PHACTR1: variants seen among roughly 807,000 people sequenced by gnomAD.
The protein encoded by PHACTR1 is phosphatase and actin regulator 1, also known as RPEL repeat containing 1.
Under a neutral mutation model 69.2 loss-of-function variants are expected in PHACTR1, and 16 were observed. The observed-to-expected ratio is 0.23, with a 90% CI of 0.16 to 0.35. The LOEUF (loss-of-function observed/expected upper bound fraction) is 0.35. Ranked by LOEUF, PHACTR1 falls within the 10% of genes least tolerant of loss-of-function variation. PHACTR1 has a pLI of 1.00. For synonymous variants in PHACTR1, 312 were observed against 284.5 expected (o/e 1.10, Z -0.97); for missense variants, 510 against 734.7 (o/e 0.69, Z 3.54).
At chr6:13,279,185 T>C (rs975189585) in intron 12 of PHACTR1, 1 of 152,332 alleles carries the variant, frequency 6.6e-6, no homozygotes, top group Admixed American at 6.5e-5. Context: ...AATTTTAATA[T>C]AGTCTTAACC....
intron 13 of PHACTR1, among the ~76,000 whole-genome samples, chr6:13,284,467 A>G (rs1450202453): frequency 2.1e-5 from 3 of 140,366 alleles, no homozygotes; most frequent in Admixed American, 7.7e-5. Flanking sequence ...CAGTGATCCA[A>G]GGTCACACCA....
chr6:12,724,298 G>C (rs1261020361), intron 3 of PHACTR1, among the ~76,000 whole-genome samples: 2 of 152,116 alleles, frequency 1.3e-5, no homozygotes, highest in African/African-American at 4.8e-5. Context: ...TTGCACTCCA[G>C]CCTGGGTGAC....
intron 10 of PHACTR1, chr6:13,264,711 C>G (rs1046983694): frequency 7.9e-5 from 12 of 151,982 alleles, no homozygotes; most frequent in African/African-American, 2.9e-4. Context: ...AGAGTGAGCC[C>G]TCATCTGAGA....
chr6:12,784,141 A>G, intron 4 of PHACTR1, among the ~76,000 whole-genome samples: 1 of 152,172 alleles, frequency 6.6e-6, no homozygotes, highest in Non-Finnish European at 1.5e-5. Flanking sequence ...GCACATATAC[A>G]TATGTATCTA....
chr6:13,196,510 T>G (rs1448087289), intron 7 of PHACTR1: 1 of 175,432 alleles, frequency 5.7e-6, no homozygotes, highest in African/African-American at 2.4e-5. Flanking sequence ...AACCTCCGCT[T>G]CCCAGGTTCA....
intron 3 of PHACTR1, among the ~76,000 whole-genome samples, chr6:12,745,721 A>G (rs974432338): frequency 1.3e-5 from 2 of 152,248 alleles, no homozygotes; most frequent in Non-Finnish European, 2.9e-5. Flanking sequence ...AATACACCAC[A>G]GATATTTATG....
At chr6:13,059,458 TCA>T (rs57652223) in intron 5 of PHACTR1, among the ~76,000 whole-genome samples, 12,084 of 148,062 alleles carry the variant, frequency 0.082, 1,186 homozygotes, top group African/African-American at 0.23. Flanking sequence ...AATGTTCTTA[TCA>T]CACACACACA....
At chr6:12,892,027 G>C (rs1784213677) in intron 4 of PHACTR1, among the ~76,000 whole-genome samples, 1 of 152,220 alleles carries the variant, frequency 6.6e-6, no homozygotes, top group Non-Finnish European at 1.5e-5. Flanking sequence ...ACATTAAAGA[G>C]ACATGCATTC....
chr6:13,022,651 T>C (rs1435680704), intron 4 of PHACTR1, among the ~76,000 whole-genome samples: 8 of 148,348 alleles, frequency 5.4e-5, no homozygotes, highest in Non-Finnish European at 1.2e-4. Flanking sequence ...GCTTAAGATA[T>C]TTATTCTCTG....
At chr6:12,891,961 G>T (rs1464296676) in intron 4 of PHACTR1, among the ~76,000 whole-genome samples, 1 of 152,216 alleles carries the variant, frequency 6.6e-6, no homozygotes, top group Non-Finnish European at 1.5e-5. Context: ...GATAATACTT[G>T]TAAGGCTGCT....
At chr6:13,046,460 G>A (rs1446901754) in intron 4 of PHACTR1, among the ~76,000 whole-genome samples, 2 of 152,098 alleles carry the variant, frequency 1.3e-5, no homozygotes, top group Non-Finnish European at 2.9e-5. Context: ...GGAGGAGGGT[G>A]GTGCACAGAG....
chr6:12,987,286 T>C (rs534051068), intron 4 of PHACTR1, among the ~76,000 whole-genome samples: 1 of 152,240 alleles, frequency 6.6e-6, no homozygotes, highest in East Asian at 1.9e-4. Flanking sequence ...GAGTATTTGA[T>C]TCAGCTCCAA....
At chr6:12,849,608 A>C (rs1342145513) in intron 4 of PHACTR1, among the ~76,000 whole-genome samples, 2 of 152,092 alleles carry the variant, frequency 1.3e-5, no homozygotes, top group African/African-American at 4.8e-5. Flanking sequence ...GAATGTTGAG[A>C]TTTTGCTGAT....
At chr6:13,199,640 A>C (rs16873768) in intron 7 of PHACTR1, among the ~76,000 whole-genome samples, 1 of 152,330 alleles carries the variant, frequency 6.6e-6, no homozygotes, top group South Asian at 2.1e-4. Flanking sequence ...AGGAAAAGCT[A>C]ATTGTTTGAT....
intron 4 of PHACTR1, among the ~76,000 whole-genome samples, chr6:12,867,064 A>G (rs115343814): frequency 1.7e-3 from 258 of 152,294 alleles, no homozygotes; most frequent in African/African-American, 5.8e-3. Flanking sequence ...ACCAGGCTAC[A>G]AGCTGCATCA....
In PHACTR1 at chr6:12,842,708, AT is replaced by A. The variant is rs3036466; in HGVS notation, c.250+92929del. 7.8e-3 allele frequency among the ~76,000 whole-genome samples: 1,158 copies of A among 147,554 alleles called. 20 individuals are homozygous for A. Among genetic ancestry groups the A allele is most frequent in the African/African-American group, 0.026 (1,053 of 40,424 alleles). On this transcript the variant is annotated intron_variant, in intron 4 of 14. Transcript: ENST00000332995. Reference sequence around the variant, plus strand: ...AGGCAAGTACTATCATGCCCAGCTGATTTTTTTTTTTGCTGTTGTTAGAGAC... The same window carrying A: ...AGGCAAGTACTATCATGCCCAGCTGATTTTTTTTTTGCTGTTGTTAGAGAC...
Position 13,278,147 on chromosome 6 carries a change from A to C in PHACTR1, c.1448-121A>C. 4 of 878,780 alleles carry C rather than the reference A, an allele frequency of 4.6e-6. No homozygotes were observed. The South Asian group carries it at 6.9e-5, about 15-fold the overall frequency. 54.4% of individuals were successfully genotyped at this position (878,780 alleles called of 1,614,324 possible). ...AAGGGCAGCTGGGGGAGGGGACAGG[A>C]GTACTCTCTTCCCTTTATTAAAATG... is the stretch of plus-strand genomic sequence containing the variant. On this transcript the variant is annotated intron_variant, in intron 11 of 14. Coordinates refer to ENST00000332995, the MANE Select transcript of PHACTR1 (RefSeq NM_030948.6).
intron 12 of PHACTR1, among the ~76,000 whole-genome samples, chr6:13,282,289 G>C (rs1780456509): frequency 1.3e-5 from 2 of 152,192 alleles, no homozygotes; most frequent in South Asian, 2.1e-4. Context: ...ATCTTAAAGA[G>C]AGCAACTGTG....
intron 4 of PHACTR1, among the ~76,000 whole-genome samples, chr6:12,975,570 A>G (rs1794772764): frequency 1.3e-5 from 2 of 152,122 alleles, no homozygotes; most frequent in Admixed American, 6.6e-5. Context: ...GTCTTTCTTT[A>G]TGTATTTTGG....
Sources: allele counts gnomAD v4.1 joint callset (sites outside exome capture counted in the v4.1 genomes callset), GRCh38; gene constraint gnomAD v4.1.1; transcripts MANE v1.5; gene names NCBI Gene and HGNC (gene_info 2026-07-23, HGNC 2026-07-21).